The following ABI3BP variants were observed in gnomAD, a reference collection of about 807,000 sequenced individuals.
The protein encoded by ABI3BP is ABI family member 3 binding protein.
ABI3BP carries 216 observed loss-of-function variants against 268.6 expected under a neutral mutation model. The ratio of observed to expected loss-of-function variants is 0.80; its 90% CI spans 0.72 to 0.90. The LOEUF (loss-of-function observed/expected upper bound fraction) is 0.90, where lower values mean the gene tolerates loss of function less well. Ranked by LOEUF, ABI3BP falls within the 40% of genes least tolerant of loss-of-function variation. The pLI is 0.00. For missense variants in ABI3BP, 2,090 were observed against 2,182.4 expected (o/e 0.96, Z 0.84); for synonymous variants, 730 against 730.0 (o/e 1.00, Z 0.00).
chr3:100,935,606 ATG>A lies in ABI3BP; in HGVS notation c.80-9127_80-9126del, dbSNP rs1451290112. Among the ~76,000 whole-genome samples the A allele has an allele frequency of 2.2e-3, 330 of 152,266 alleles. 1 individual carries two copies. The highest frequency in any genetic ancestry group is 7.5e-3 in the African/African-American group (311 of 41,552). On this transcript the variant is annotated intron_variant, in intron 1 of 67. Coordinates refer to ENST00000471714, the MANE Select transcript of ABI3BP (RefSeq NM_001375547.2). ...TTCACGATATTGATTCTTCCTATCC[ATG>A]AGCACGGAATGTTTTTCCATTTGTT...
rs1491057826 is a variant in ABI3BP, at chr3:100,830,164, T to TAA, written c.2458+412_2458+413dup. 1.1e-3 allele frequency among the ~76,000 whole-genome samples: 91 copies of TAA among 84,896 alleles called. 1 individual carries two copies. Among genetic ancestry groups the TAA allele is most frequent in the Non-Finnish European group, 1.8e-3 (78 of 42,798 alleles). The allele number at this position is 84,896 out of a possible 152,430, so 55.7% of individuals were successfully genotyped here. A position where few individuals can be genotyped will look rare whatever the true frequency, so the allele number is the denominator to read the frequency against. On this transcript the variant is annotated intron_variant, in intron 32 of 67. Transcript: ENST00000471714. ...ATATATATATATATATATATATATA[T>TAA]AAAATGCAGATAGTAAAAATGTAGA...
intron 55 of ABI3BP, among the ~76,000 whole-genome samples, chr3:100,791,431 A>G (rs2097194107): frequency 1.3e-5 from 2 of 151,890 alleles, no homozygotes; most frequent in Non-Finnish European, 2.9e-5. Context: ...CTTGTTGTAA[A>G]TATTTATGTA....
chr3:100,967,971 C>T (rs2082009075), intron 1 of ABI3BP, among the ~76,000 whole-genome samples: 2 of 152,238 alleles, frequency 1.3e-5, no homozygotes, highest in South Asian at 4.1e-4. Flanking sequence ...TTTAAATTCA[C>T]TGAAATGACT....
chr3:100,948,962 T>A (rs2153746135), intron 1 of ABI3BP, among the ~76,000 whole-genome samples: 1 of 152,300 alleles, frequency 6.6e-6, no homozygotes, highest in Non-Finnish European at 1.5e-5. Context: ...AAAAAATTAT[T>A]CATTTAATAT....
chr3:100,967,282 A>G (rs2081707898), intron 1 of ABI3BP, among the ~76,000 whole-genome samples: 1 of 152,090 alleles, frequency 6.6e-6, no homozygotes, highest in Non-Finnish European at 1.5e-5. Context: ...CGGGTGGATC[A>G]CTTGAGTTCA....
chr3:100,886,826 G>A (rs187974828), intron 4 of ABI3BP, among the ~76,000 whole-genome samples: 43 of 151,914 alleles, frequency 2.8e-4, no homozygotes, highest in African/African-American at 9.6e-4. Flanking sequence ...GCATTTTAAG[G>A]TTGAGCTGTT....
intron 1 of ABI3BP, among the ~76,000 whole-genome samples, chr3:100,940,436 G>A (rs566260678): frequency 2.6e-5 from 4 of 151,804 alleles, no homozygotes; most frequent in Non-Finnish European, 5.9e-5. Context: ...CTGACTTCCC[G>A]CAACAGTCAT....
In ABI3BP at chr3:100,841,986, A is replaced by C; in HGVS notation, c.1765+12T>G. The C allele has an allele frequency of 1.3e-6, 2 of 1,527,582 alleles. No individual in the cohort carries two copies. Among genetic ancestry groups the C allele is most frequent in the South Asian group, 1.2e-5 (1 of 83,826 alleles). 94.6% of individuals were successfully genotyped at this position (1,527,582 alleles called of 1,614,324 possible). On this transcript the variant is annotated intron_variant, in intron 21 of 67. Coordinates refer to ENST00000471714, the MANE Select transcript of ABI3BP (RefSeq NM_001375547.2). Reference sequence around the variant, plus strand: ...ATACTTTGTTTTCACTCATTAAAAAAAGCTTTATTACCTATTGTTGACTGT... The same window carrying C: ...ATACTTTGTTTTCACTCATTAAAAACAGCTTTATTACCTATTGTTGACTGT...
At chr3:100,976,443 G>T (rs1440749799) in intron 1 of ABI3BP, among the ~76,000 whole-genome samples, 2 of 152,270 alleles carry the variant, frequency 1.3e-5, no homozygotes, top group East Asian at 3.9e-4. Context: ...ATAAAGCCCA[G>T]TTCAGCTGTA....
At chr3:100,910,432 A>G (rs1355631024) in intron 2 of ABI3BP, among the ~76,000 whole-genome samples, 3 of 151,776 alleles carry the variant, frequency 2.0e-5, no homozygotes, top group Non-Finnish European at 4.4e-5. Context: ...AAAAAAAATT[A>G]TCAGTTTAGG....
chr3:100,796,574 A>G, intron 51 of ABI3BP, 106 bp from the exon 52 acceptor site: 1 of 775,774 alleles, frequency 1.3e-6, no homozygotes, highest in South Asian at 2.7e-5. Flanking sequence ...AAGCAAAAGT[A>G]TTTTTACAAT....
intron 6 of ABI3BP, among the ~76,000 whole-genome samples, chr3:100,877,654 G>C (rs886679797): frequency 6.6e-6 from 1 of 152,198 alleles, no homozygotes; most frequent in Non-Finnish European, 1.5e-5. Context: ...TAGGTGAGGA[G>C]AAGGGCAGAA....
chr3:100,847,821 A>T (rs1476821801), intron 18 of ABI3BP, 148 bp from the exon 19 acceptor site: 3 of 687,860 alleles, frequency 4.4e-6, no homozygotes, highest in Non-Finnish European at 7.6e-6. Context: ...AAGAATTGTT[A>T]AACTGTCATA....
chr3:100,866,174 G>C (rs932549647), intron 10 of ABI3BP, among the ~76,000 whole-genome samples: 19 of 152,278 alleles, frequency 1.2e-4, no homozygotes, highest in African/African-American at 4.3e-4. Flanking sequence ...GAGTGACTCT[G>C]CTAAATATAG....
intron 1 of ABI3BP, among the ~76,000 whole-genome samples, chr3:100,978,345 T>C (rs1373055991): frequency 6.6e-6 from 1 of 152,230 alleles, no homozygotes; most frequent in Non-Finnish European, 1.5e-5. Context: ...TCTTTCTTCA[T>C]TGACCTAGTA....
At chr3:100,849,951 CA>C in intron 17 of ABI3BP, 93 bp downstream of exon 17, 1 of 1,129,734 alleles carries the variant, frequency 8.9e-7, no homozygotes, top group South Asian at 1.4e-5. Context: ...CAAAAACAAA[CA>C]AAAGAAAAAC....
In ABI3BP at chr3:100,922,007, A is replaced by G. The variant is rs1218617614; in HGVS notation, c.259+4295T>C. On this transcript the variant is annotated intron_variant, in intron 2 of 67. Transcript: ENST00000471714. ...AATATTTGCTTCGCAACTGAGGGTAATTCACTGTGTTTGGGTATAGTTCCA... is the reference window on the plus strand; with the variant it reads ...AATATTTGCTTCGCAACTGAGGGTAGTTCACTGTGTTTGGGTATAGTTCCA... 2.0e-5 allele frequency among the ~76,000 whole-genome samples: 3 copies of G among 152,254 alleles called. No individual in the cohort carries two copies. The East Asian group carries it at 5.8e-4, about 29-fold the overall frequency.
At chr3:100,790,187 A>C (rs553667572) in intron 55 of ABI3BP, among the ~76,000 whole-genome samples, 1 of 152,126 alleles carries the variant, frequency 6.6e-6, no homozygotes, top group East Asian at 1.9e-4. Context: ...ATCCTAATGA[A>C]GACTTGCTGA....
chr3:100,990,449 T>G lies in ABI3BP; in HGVS notation c.79+2857A>C, dbSNP rs1415146588. On this transcript the variant is annotated intron_variant, in intron 1 of 67. Coordinates refer to ENST00000471714, the MANE Select transcript of ABI3BP (RefSeq NM_001375547.2). ...AGCTCCATTAATAGTCTCCAAGCTT[T>G]TAAAAACTAAGCAAAAATCTTCTAA... Among the ~76,000 whole-genome samples the G allele has an allele frequency of 2.6e-5, 4 of 151,912 alleles. No individual in the cohort carries two copies. The East Asian group carries it at 7.7e-4, about 29-fold the overall frequency.
Sources: gnomAD v4.1 joint callset for allele counts (sites outside exome capture counted in the v4.1 genomes callset) on GRCh38, gnomAD v4.1.1 for gene constraint, MANE v1.5 for transcripts, NCBI Gene and HGNC (gene_info 2026-07-23, HGNC 2026-07-21) for gene names.